Variants in ZFP69B observed in about 807,000 individuals in gnomAD.
The protein encoded by ZFP69B is zinc finger protein 69 homolog B.
In ZFP69B, 20 loss-of-function variants were observed where a neutral mutation model predicts 19.7. That is an observed-to-expected ratio of 1.02 (90% CI 0.71 to 1.48). ZFP69B has a LOEUF of 1.48. ZFP69B is among the 40% of genes most tolerant of loss of function. The pLI, the probability that ZFP69B is intolerant of heterozygous loss-of-function variation, is 0.00. For missense variants in ZFP69B, 583 were observed against 632.6 expected (o/e 0.92, Z 0.84); for synonymous variants, 220 against 222.7 (o/e 0.99, Z 0.11).
chr1:40,454,723 C>G (rs1259955588), intron 2 of ZFP69B, among the ~76,000 whole-genome samples: 1 of 152,176 alleles, frequency 6.6e-6, no homozygotes, highest in Non-Finnish European at 1.5e-5. Flanking sequence ...CCTGTTCTTC[C>G]TCAGAAAACC....
chr1:40,451,574 A>G (rs12733709), intron 1 of ZFP69B, among the ~76,000 whole-genome samples: 30,317 of 151,122 alleles, frequency 0.2, 3,200 homozygotes, highest in African/African-American at 0.25. Context: ...GGGAAAGCTT[A>G]AGTATCCAAA....
At chr1:40,457,765 C>A (rs182475605) in intron 4 of ZFP69B, among the ~76,000 whole-genome samples, 277 of 152,246 alleles carry the variant, frequency 1.8e-3, no homozygotes, top group Non-Finnish European at 3.3e-3. Context: ...TTACACAGGT[C>A]TCTCCTCATT....
intron 4 of ZFP69B, among the ~76,000 whole-genome samples, chr1:40,461,696 G>A (rs1375460048): frequency 6.6e-6 from 1 of 152,114 alleles, no homozygotes; most frequent in Non-Finnish European, 1.5e-5. Flanking sequence ...TTGGGGGACT[G>A]AGTTGGGAGG....
At chr1:40,459,704 T>C (rs1052140867) in intron 4 of ZFP69B, among the ~76,000 whole-genome samples, 1 of 152,216 alleles carries the variant, frequency 6.6e-6, no homozygotes, top group Non-Finnish European at 1.5e-5. Context: ...ACGACATTTA[T>C]CTTGTTTTTA....
chr1:40,455,299 TA>T (rs1052102654), intron 2 of ZFP69B, among the ~76,000 whole-genome samples: 1 of 152,072 alleles, frequency 6.6e-6, no homozygotes, highest in African/African-American at 2.4e-5. Flanking sequence ...CAGAGAAACA[TA>T]AGAGGGTATT....
chr1:40,452,435 A>T (rs1010923895), intron 1 of ZFP69B, among the ~76,000 whole-genome samples: 1 of 152,254 alleles, frequency 6.6e-6, no homozygotes. Flanking sequence ...TCCTAAATTA[A>T]GTTTAAAGAC....
chr1:40,450,378 G>C (rs1645173136), upstream of ZFP69B, among the ~76,000 whole-genome samples: 1 of 152,196 alleles, frequency 6.6e-6, no homozygotes, highest in African/African-American at 2.4e-5. Context: ...GGGGTCTAGC[G>C]GTTTCGCGGT....
chr1:40,460,036 T>C (rs548877056), intron 4 of ZFP69B, among the ~76,000 whole-genome samples: 1 of 152,208 alleles, frequency 6.6e-6, no homozygotes, highest in East Asian at 1.9e-4. Context: ...TAATCAACAT[T>C]TTATCACAAA....
chr1:40,452,961 C>G (rs1457196169), intron 1 of ZFP69B, among the ~76,000 whole-genome samples: 1 of 146,272 alleles, frequency 6.8e-6, no homozygotes, highest in Admixed American at 7.0e-5. Context: ...ATTCATGTGC[C>G]TTAATTCCTA....
intron 2 of ZFP69B, among the ~76,000 whole-genome samples, chr1:40,455,188 T>G (rs1357725451): frequency 6.6e-6 from 1 of 152,128 alleles, no homozygotes; most frequent in Non-Finnish European, 1.5e-5. Context: ...CAGTGTGCCG[T>G]GTGTCCTAAA....
In ZFP69B at chr1:40,462,957, C is replaced by T; in HGVS notation, c.973C>T (p.His325Tyr). ...TAGCCAAAGTTCATCTCTTATTCCG[C>T]ATCAGAGAATTCATACTGGTGAGAA... is the stretch of plus-strand genomic sequence containing the variant. Reference protein sequence around the residue: ...AFSQSSSLIPHQRIHTGEKPY... With the variant: ...AFSQSSSLIPYQRIHTGEKPY... Residue 325 changes from histidine (H) to tyrosine (Y), a missense_variant, in exon 5 of 5, where the codon CAT becomes TAT. Physicochemically the swap from His to Tyr is moderately conservative, Grantham distance 83 (BLOSUM62 2). Coordinates refer to ENST00000361584, the MANE Select transcript of ZFP69B (RefSeq NM_023070.3). The T allele has an allele frequency of 6.2e-7, 1 of 1,614,132 alleles. No individual in the cohort carries two copies. Among genetic ancestry groups the T allele is most frequent in the Non-Finnish European group, 8.5e-7 (1 of 1,180,030 alleles).
intron 2 of ZFP69B, among the ~76,000 whole-genome samples, chr1:40,456,085 A>G (rs140260372): frequency 0.012 from 1,780 of 152,240 alleles, 33 homozygotes; most frequent in African/African-American, 0.041. Flanking sequence ...CTGTGTCTTT[A>G]TAATAGAATG....
rs888033746 is a variant in ZFP69B, at chr1:40,457,225, C to G, written c.341-119C>G. The G allele has an allele frequency of 2.0e-6, 3 of 1,475,070 alleles. No homozygotes were observed. In the African/African-American group the frequency reaches 4.2e-5, roughly 20 times the overall value. The allele number at this position is 1,475,070 out of a possible 1,614,324, so 91.4% of individuals were successfully genotyped here. The stretch of plus-strand genomic sequence containing the variant: ...CAGGATTGCTATGCTCTTTTCTGCT[C>G]TGTTCTTTCTACTCTACTCTGCTTT... On this transcript the variant is annotated intron_variant, in intron 3 of 4. Coordinates refer to ENST00000361584, the MANE Select transcript of ZFP69B (RefSeq NM_023070.3).
intron 4 of ZFP69B, among the ~76,000 whole-genome samples, chr1:40,461,474 A>G (rs1367645380): frequency 1.3e-5 from 2 of 152,108 alleles, no homozygotes; most frequent in Non-Finnish European, 2.9e-5. Context: ...TCAGAGAAAT[A>G]TGGGCTTGAG....
intron 1 of ZFP69B, 47 bp from the exon 2 acceptor site, chr1:40,454,156 G>T (rs776257143): frequency 6.2e-6 from 9 of 1,456,752 alleles, no homozygotes; most frequent in Non-Finnish European, 7.4e-6. Flanking sequence ...TTCTCTGTTT[G>T]GGTGATTTGG....
Position 40,450,889 on chromosome 1 carries a change from A to G in ZFP69B, c.-73A>G, listed in dbSNP as rs1645179401. 5 of 1,405,782 alleles carry G rather than the reference A, an allele frequency of 3.6e-6. No homozygotes were observed. The South Asian group carries it at 4.6e-5, about 13-fold the overall frequency. The allele number at this position is 1,405,782 out of a possible 1,614,324, so 87.1% of individuals were successfully genotyped here. On this transcript the variant is annotated 5_prime_UTR_variant, in exon 1 of 5. Transcript: ENST00000361584. ...AAGCCTCCTGTCAGAGCTTCCAGCA[A>G]TTTCCTCATCAGAGGTGGACAAGCC...
At chr1:40,453,461 A>G (rs1645204186) in intron 1 of ZFP69B, among the ~76,000 whole-genome samples, 1 of 152,160 alleles carries the variant, frequency 6.6e-6, no homozygotes, top group African/African-American at 2.4e-5. Flanking sequence ...AGATATAAAA[A>G]CCAAGCTTTT....
chr1:40,451,662 G>GA (rs771774983), intron 1 of ZFP69B, among the ~76,000 whole-genome samples: 1 of 143,904 alleles, frequency 6.9e-6, no homozygotes, highest in Non-Finnish European at 1.5e-5. Context: ...GTGGGGGGGG[G>GA]GGAATTCATT....
rs61748791 is a variant in ZFP69B at position 40,463,499 on chromosome 1, T to G, written c.1515T>G (p.Cys505Trp). ...ATACTGGAGAAAAACCTTATGATTG[T>G]AATGAGTGTGGAAAAGCCTTCAGCT... ...RIHTGEKPYD[C>W]NECGKAFSCS... Residue 505 changes from cysteine (C) to tryptophan (W), a missense_variant, in exon 5 of 5, where the codon TGT becomes TGG. Transcript: ENST00000361584. 1.1e-4 allele frequency: 177 copies of G among 1,614,044 alleles called. No individual in the cohort carries two copies. Among genetic ancestry groups the G allele is most frequent in the Non-Finnish European group, 1.5e-4 (175 of 1,180,012 alleles).
Sources: gnomAD v4.1 joint callset for allele counts (sites outside exome capture counted in the v4.1 genomes callset) on GRCh38, gnomAD v4.1.1 for gene constraint, MANE v1.5 for transcripts, NCBI Gene and HGNC (gene_info 2026-07-23, HGNC 2026-07-21) for gene names.